Variants in ASIC2 observed in about 807,000 individuals in gnomAD.
ASIC2 encodes acid sensing ion channel subunit 2, also known as acid-sensing ion channel 2.
ASIC2 carries 25 observed loss-of-function variants against 57.3 expected under a neutral mutation model. That is an observed-to-expected ratio of 0.44 (90% CI 0.32 to 0.61). ASIC2 has a LOEUF of 0.61. Among genes scored for constraint, ASIC2 ranks in the 20% least tolerant of loss-of-function variants. ASIC2 has a pLI of 0.06. For synonymous variants in ASIC2, 319 were observed against 307.5 expected (o/e 1.04, Z -0.39); for missense variants, 641 against 738.1 (o/e 0.87, Z 1.52).
At chr17:33,664,923 C>T (rs1326633928) in intron 1 of ASIC2, among the ~76,000 whole-genome samples, 1 of 152,200 alleles carries the variant, frequency 6.6e-6, no homozygotes, top group Non-Finnish European at 1.5e-5. Flanking sequence ...GGCTAAAAAC[C>T]ACCCTCATCT....
chr17:33,601,323 G>A (rs1267166937), intron 1 of ASIC2, among the ~76,000 whole-genome samples: 1 of 152,146 alleles, frequency 6.6e-6, no homozygotes, highest in Non-Finnish European at 1.5e-5. Flanking sequence ...TTTCCATCTA[G>A]GGCCTTGAGA....
chr17:33,345,150 T>C (rs1431549129), intron 1 of ASIC2, among the ~76,000 whole-genome samples: 1 of 152,220 alleles, frequency 6.6e-6, no homozygotes, highest in Non-Finnish European at 1.5e-5. Context: ...TGCATTCAAA[T>C]GCAGTAAGGG....
At position 33,811,844 on chromosome 17, in the gene ASIC2, C is replaced by T. The variant is rs188477314; in HGVS notation, c.555+344134G>A. 2.6e-5 allele frequency among the ~76,000 whole-genome samples: 4 copies of T among 152,306 alleles called. No homozygotes were observed. In the East Asian group the frequency reaches 7.7e-4, roughly 29 times the overall value. On this transcript the variant is annotated intron_variant, in intron 1 of 9. Transcript: ENST00000359872. Reference sequence around the variant, plus strand: ...AAAGTTAATCACAGTACTGGCATTCCTATCGGTCATGTTTGCTCTGACCTC... The same window carrying T: ...AAAGTTAATCACAGTACTGGCATTCTTATCGGTCATGTTTGCTCTGACCTC...
At chr17:33,915,602 A>G (rs1463405218) in intron 1 of ASIC2, among the ~76,000 whole-genome samples, 1 of 152,066 alleles carries the variant, frequency 6.6e-6, no homozygotes, top group Non-Finnish European at 1.5e-5. Context: ...TCTTAATCAC[A>G]CACTCGATAC....
chr17:33,290,255 C>T lies in ASIC2; in HGVS notation c.708+1153G>A, dbSNP rs571023462. ...GGCATCATGCCAACACTTGTTGGAA[C>T]CGTGGCATCTCTTTACCATCCCAAA... On this transcript the variant is annotated intron_variant, in intron 1 of 9. Transcript: ENST00000225823. Among the ~76,000 whole-genome samples the T allele has an allele frequency of 2.6e-5, 4 of 152,344 alleles. No individual in the cohort carries two copies. In the East Asian group the frequency reaches 7.7e-4, roughly 29 times the overall value.
chr17:33,765,506 A>T (rs1910909802), intron 1 of ASIC2, among the ~76,000 whole-genome samples: 1 of 152,208 alleles, frequency 6.6e-6, no homozygotes, highest in Non-Finnish European at 1.5e-5. Flanking sequence ...ATGTTGTCTC[A>T]GGCAGGTTCC....
At chr17:33,368,350 G>A (rs1446214498) in intron 1 of ASIC2, among the ~76,000 whole-genome samples, 1 of 152,192 alleles carries the variant, frequency 6.6e-6, no homozygotes, top group Non-Finnish European at 1.5e-5. Context: ...GTTTGTTGTT[G>A]GAGTTTTCCC....
intron 1 of ASIC2, among the ~76,000 whole-genome samples, chr17:33,831,003 G>A (rs926162763): frequency 2.0e-5 from 3 of 147,934 alleles, no homozygotes; most frequent in Non-Finnish European, 3.0e-5. Flanking sequence ...CCAGCTACTC[G>A]GGAGGCTGAG....
chr17:33,346,899 G>T (rs768146730), intron 1 of ASIC2, among the ~76,000 whole-genome samples: 8 of 152,178 alleles, frequency 5.3e-5, no homozygotes, highest in Non-Finnish European at 8.8e-5. Context: ...AGAGCGGAAA[G>T]TGTTCCAGGA....
intron 1 of ASIC2, among the ~76,000 whole-genome samples, chr17:33,378,666 C>T (rs1346897540): frequency 1.3e-5 from 2 of 152,168 alleles, no homozygotes; most frequent in Non-Finnish European, 2.9e-5. Flanking sequence ...TTTAAAGATG[C>T]CAGTGATTGG....
At chr17:33,914,459 G>A (rs1915540901) in intron 1 of ASIC2, among the ~76,000 whole-genome samples, 1 of 152,200 alleles carries the variant, frequency 6.6e-6, no homozygotes. Context: ...TTCAGTCTCA[G>A]GGGAGCCTCG....
chr17:33,949,483 T>A (rs556163498), intron 1 of ASIC2, among the ~76,000 whole-genome samples: 1 of 152,384 alleles, frequency 6.6e-6, no homozygotes, highest in African/African-American at 2.4e-5. Flanking sequence ...TTTATAAGTT[T>A]TATTTTTAGA....
At chr17:33,919,152 T>A (rs1178339617) in intron 1 of ASIC2, among the ~76,000 whole-genome samples, 1 of 152,100 alleles carries the variant, frequency 6.6e-6, no homozygotes, top group African/African-American at 2.4e-5. Flanking sequence ...TTTCAGACCT[T>A]CTGCCAGGAC....
chr17:33,723,535 G>A (rs1909449211), intron 1 of ASIC2, among the ~76,000 whole-genome samples: 1 of 152,078 alleles, frequency 6.6e-6, no homozygotes, highest in Admixed American at 6.6e-5. Flanking sequence ...CACCCTGTTG[G>A]CCAGGCTTGT....
chr17:33,428,357 C>T (rs1220447849), intron 1 of ASIC2, among the ~76,000 whole-genome samples: 2 of 152,178 alleles, frequency 1.3e-5, no homozygotes, highest in African/African-American at 4.8e-5. Context: ...AATGTGCATC[C>T]AGGATTGAGA....
Position 33,263,758 on chromosome 17 carries a change from AC to A in ASIC2, c.708+27649del, listed in dbSNP as rs1909366996. On this transcript the variant is annotated intron_variant, in intron 1 of 9. Coordinates refer to ENST00000225823, the MANE Select transcript of ASIC2 (RefSeq NM_183377.2). ...ATCTGGGCATATGAAAGGGGGGCCC[AC>A]CCGCTGCAGAGCTTGGTCTTTCCCC... Among the ~76,000 whole-genome samples the A allele has an allele frequency of 4.0e-5, 6 of 151,664 alleles. 1 individual carries two copies. Among genetic ancestry groups the A allele is most frequent in the African/African-American group, 1.5e-4 (6 of 41,364 alleles).
chr17:33,389,484 G>A (rs576439456), intron 1 of ASIC2, among the ~76,000 whole-genome samples: 1 of 152,322 alleles, frequency 6.6e-6, no homozygotes, highest in East Asian at 1.9e-4. Flanking sequence ...GGCTCAAAGG[G>A]AAATCTCATC....
At chr17:33,144,157 CAA>C (rs58279499) in intron 1 of ASIC2, among the ~76,000 whole-genome samples, 8,692 of 141,940 alleles carry the variant, frequency 0.061, 328 homozygotes, top group African/African-American at 0.097. Flanking sequence ...AACAAACAAA[CAA>C]AAAAAAAAAC....
Position 33,183,156 on chromosome 17 carries a change from G to A in ASIC2, c.709-71089C>T, listed in dbSNP as rs547280949. On this transcript the variant is annotated intron_variant, in intron 1 of 9. Transcript: ENST00000225823. ...AAGCCCATCTGCCCCACTCCTAAGT[G>A]TAATCCCTCATACTCGAAAGTAAGT... 5.3e-5 allele frequency among the ~76,000 whole-genome samples: 8 copies of A among 152,322 alleles called. 1 individual carries two copies. The East Asian group carries it at 1.5e-3, about 29-fold the overall frequency.
Sources: allele counts gnomAD v4.1 joint callset (sites outside exome capture counted in the v4.1 genomes callset), GRCh38; gene constraint gnomAD v4.1.1; transcripts MANE v1.5; gene names NCBI Gene and HGNC (gene_info 2026-07-23, HGNC 2026-07-21).